The following PIEZO2 variants were observed in gnomAD, a reference collection of about 807,000 sequenced individuals.
PIEZO2 encodes the protein piezo-type mechanosensitive ion channel component 2.
Under a neutral mutation model 337.3 loss-of-function variants are expected in PIEZO2, and 172 were observed. That is an observed-to-expected ratio of 0.51 (90% CI 0.45 to 0.58). PIEZO2 has a LOEUF of 0.58. Among genes scored for constraint, PIEZO2 ranks in the 20% least tolerant of loss-of-function variants. The probability of loss-of-function intolerance (pLI) is 0.00; values close to 1 mark genes in which losing one functional copy is unlikely to be tolerated. For missense variants in PIEZO2, 3,028 were observed against 3,391.3 expected, an observed-to-expected ratio of 0.89 and a Z score of 2.66; for synonymous variants, 1,251 against 1,228.5, an observed-to-expected ratio of 1.02 and a Z score of -0.38.
chr18:10,755,833 AGG>A (rs1469024042), intron 27 of PIEZO2, among the ~76,000 whole-genome samples: 3 of 96,472 alleles, frequency 3.1e-5, no homozygotes, highest in African/African-American at 2.8e-5. Flanking sequence ...CCAAGGGATG[AGG>A]AGGAGAGATG....
chr18:10,921,882 A>G (rs1400731936), intron 3 of PIEZO2, among the ~76,000 whole-genome samples: 1 of 152,198 alleles, frequency 6.6e-6, no homozygotes, highest in Middle Eastern at 3.4e-3. Context: ...GGGATGAAAT[A>G]AACCCCAGTC....
chr18:10,965,935 T>C (rs951379374), intron 3 of PIEZO2, among the ~76,000 whole-genome samples: 5 of 152,204 alleles, frequency 3.3e-5, no homozygotes, highest in Non-Finnish European at 5.9e-5. Context: ...TTGACTTTTT[T>C]TACCAAAGAA....
rs540321995 is a variant in PIEZO2, at chr18:10,819,366, T to C, written c.918-12092A>G. On this transcript the variant is annotated intron_variant, in intron 7 of 55. Transcript: ENST00000674853. The surrounding 1 kb of genome is among the most constrained non-coding windows in gnomAD (Gnocchi z 4.3). ...TTTTCTCTTTCATTATTCTAATGAA[T>C]ATCTATTCAAAAATAAAAAAGAATT... Among the ~76,000 whole-genome samples the C allele has an allele frequency of 8.5e-5, 13 of 152,314 alleles. No individual in the cohort carries two copies. In the South Asian group the frequency reaches 2.7e-3, roughly 32 times the overall value.
intron 2 of PIEZO2, among the ~76,000 whole-genome samples, chr18:11,019,034 CA>C (rs1317620385): frequency 2.6e-5 from 4 of 152,164 alleles, no homozygotes; most frequent in African/African-American, 9.7e-5. Context: ...TCATAGTCCA[CA>C]TCCAAGCCAC....
chr18:10,706,815 T>G (rs2035606386), intron 40 of PIEZO2, among the ~76,000 whole-genome samples: 1 of 152,106 alleles, frequency 6.6e-6, no homozygotes, highest in Admixed American at 6.5e-5. Flanking sequence ...CTGTCTTGGA[T>G]GTGGGAGGGT....
At chr18:10,720,419 G>GTATATA (rs74177567) in intron 36 of PIEZO2, among the ~76,000 whole-genome samples, 2 of 9,270 alleles carry the variant, frequency 2.2e-4, no homozygotes, top group Non-Finnish European at 3.9e-4. Context: ...GTATGTGTAT[G>GTATATA]TATATATATA....
chr18:10,756,571 G>A (rs2037861267), intron 27 of PIEZO2, among the ~76,000 whole-genome samples: 1 of 143,658 alleles, frequency 7.0e-6, no homozygotes, highest in African/African-American at 2.6e-5. Context: ...GAGCTATAGG[G>A]ATGCAGATAA....
intron 28 of PIEZO2, among the ~76,000 whole-genome samples, chr18:10,752,321 C>T (rs1598433091): frequency 6.6e-6 from 1 of 152,220 alleles, no homozygotes. Context: ...CTTCATAACT[C>T]ATACCAGGAG....
chr18:10,960,345 A>C (rs558077476), intron 3 of PIEZO2, among the ~76,000 whole-genome samples: 26 of 152,302 alleles, frequency 1.7e-4, no homozygotes, highest in Admixed American at 1.6e-3. Context: ...CTTACAGCCA[A>C]ACTCTACCAC....
At chr18:10,879,595 T>A (rs1388786168) in intron 4 of PIEZO2, among the ~76,000 whole-genome samples, 1 of 151,884 alleles carries the variant, frequency 6.6e-6, no homozygotes, top group Non-Finnish European at 1.5e-5. Flanking sequence ...CGGGGTTTCA[T>A]CATATTAGCC....
chr18:10,864,401 T>G (rs541408897), intron 5 of PIEZO2, among the ~76,000 whole-genome samples: 1 of 152,218 alleles, frequency 6.6e-6, no homozygotes, highest in Admixed American at 6.5e-5. Flanking sequence ...ATTGAGAATA[T>G]AAGGTCCTAA....
intron 4 of PIEZO2, among the ~76,000 whole-genome samples, chr18:10,904,956 C>A (rs2145030860): frequency 6.6e-6 from 1 of 152,218 alleles, no homozygotes; most frequent in African/African-American, 2.4e-5. Flanking sequence ...CTGAAAACTC[C>A]AAATATAGCC....
intron 3 of PIEZO2, among the ~76,000 whole-genome samples, chr18:10,936,756 A>G (rs1260497505): frequency 1.6e-4 from 25 of 152,208 alleles, no homozygotes; most frequent in Admixed American, 1.6e-3. Flanking sequence ...GATAAGAAAA[A>G]CAAAATATTG....
chr18:10,699,254 A>C, intron 43 of PIEZO2, 77 bp from the exon 44 acceptor site: 1 of 1,507,998 alleles, frequency 6.6e-7, no homozygotes, highest in Middle Eastern at 1.7e-4. Context: ...ACAAAATCTC[A>C]TCCAACAAAC....
intron 23 of PIEZO2, among the ~76,000 whole-genome samples, chr18:10,761,477 G>T (rs1343886): frequency 0.21 from 31,480 of 152,036 alleles, 3,945 homozygotes; most frequent in South Asian, 0.28. Flanking sequence ...ATCCTGGGAC[G>T]CACTGAGCTA....
chr18:10,696,550 G>T lies in PIEZO2; in HGVS notation c.6828-11C>A, dbSNP rs1387293830. 6.2e-7 allele frequency: 1 copy of T among 1,612,750 alleles called. No homozygotes were observed. Among genetic ancestry groups the T allele is most frequent in the Non-Finnish European group, 8.5e-7 (1 of 1,179,846 alleles). ...TAGATCTCCAGCGTCCTGCAAAATGGAGACCCCCACCCCCAACCCACTTGT... is the reference window on the plus strand; with the variant it reads ...TAGATCTCCAGCGTCCTGCAAAATGTAGACCCCCACCCCCAACCCACTTGT... On this transcript the variant is annotated splice_polypyrimidine_tract_variant and intron_variant, in intron 45 of 55. Transcript: ENST00000674853.
intron 13 of PIEZO2, among the ~76,000 whole-genome samples, chr18:10,792,242 C>A (rs896086045): frequency 6.6e-6 from 1 of 152,244 alleles, no homozygotes; most frequent in Non-Finnish European, 1.5e-5. Context: ...AGCCACCATG[C>A]CTGGTCACAC....
At chr18:11,059,491 T>G (rs1239267723) in intron 2 of PIEZO2, among the ~76,000 whole-genome samples, 1 of 152,192 alleles carries the variant, frequency 6.6e-6, no homozygotes, top group East Asian at 1.9e-4. Flanking sequence ...GACCCATCAG[T>G]GTGCTGTATT....
At chr18:10,805,677 A>G (rs1886319484) in intron 8 of PIEZO2, among the ~76,000 whole-genome samples, 1 of 152,254 alleles carries the variant, frequency 6.6e-6, no homozygotes, top group Non-Finnish European at 1.5e-5. Flanking sequence ...ATAACACAAC[A>G]TGACTGGGAT....
Sources: allele counts gnomAD v4.1 joint callset (sites outside exome capture counted in the v4.1 genomes callset), GRCh38; gene constraint gnomAD v4.1.1; non-coding constraint Gnocchi (gnomAD v3.1); transcripts MANE v1.5; gene names NCBI Gene and HGNC (gene_info 2026-07-23, HGNC 2026-07-21).